The following CDH13 variants were observed in gnomAD, a reference collection of about 807,000 sequenced individuals.
The protein encoded by CDH13 is cadherin-13.
Under a neutral mutation model 63.8 loss-of-function variants are expected in CDH13, and 24 were observed. That is an observed-to-expected ratio of 0.38 (90% confidence interval 0.27 to 0.53). CDH13 has a LOEUF of 0.53. CDH13 is among the 20% of genes least tolerant of loss of function. CDH13 has a pLI of 0.85. For synonymous variants in CDH13, 503 were observed against 355.3 expected (o/e 1.42, Z -4.67); for missense variants, 1,049 against 903.1 (o/e 1.16, Z -2.07).
chr16:82,731,072 G>C (rs1333144425), intron 1 of CDH13, among the ~76,000 whole-genome samples: 1 of 152,204 alleles, frequency 6.6e-6, no homozygotes, highest in African/African-American at 2.4e-5. Context: ...TTCATTCAGT[G>C]AAGTCACATT....
rs557864259 is a variant in CDH13 at position 83,115,901 on chromosome 16, T to C, written c.367-9484T>C. 1.4e-4 allele frequency among the ~76,000 whole-genome samples: 21 copies of C among 152,358 alleles called. No individual in the cohort carries two copies. The South Asian group carries it at 4.1e-3, about 30-fold the overall frequency. ...AAAGAGGGAATGAGGACAAATTATC[T>C]GGACACTGTTTGTCTGTTTGAATGT... On this transcript the variant is annotated intron_variant, in intron 3 of 13. Transcript: ENST00000567109.
At position 83,462,964 on chromosome 16, in the gene CDH13, T is replaced by G. The variant is rs566128184; in HGVS notation, c.782-23513T>G. Among the ~76,000 whole-genome samples, 6 of 152,264 alleles carry G rather than the reference T, an allele frequency of 3.9e-5. No individual in the cohort carries two copies. The South Asian group carries it at 1.2e-3, about 32-fold the overall frequency. On this transcript the variant is annotated intron_variant, in intron 6 of 13. Coordinates refer to ENST00000567109, the MANE Select transcript of CDH13 (RefSeq NM_001257.5). Reference sequence around the variant, plus strand: ...CCTCCTCTCGAGGAAGCTATGGTCTTGTAGCTGAGACTGATCACCCAACAG... The same window carrying G: ...CCTCCTCTCGAGGAAGCTATGGTCTGGTAGCTGAGACTGATCACCCAACAG...
intron 2 of CDH13, among the ~76,000 whole-genome samples, chr16:82,974,011 C>G (rs567855614): frequency 6.6e-6 from 1 of 152,122 alleles, no homozygotes; most frequent in Non-Finnish European, 1.5e-5. Flanking sequence ...CCTCTGCCTC[C>G]CCGGTTCTAG....
intron 1 of CDH13, among the ~76,000 whole-genome samples, chr16:82,768,201 C>A (rs927564351): frequency 3.3e-5 from 5 of 152,178 alleles, no homozygotes. Flanking sequence ...AACTAAATTG[C>A]AAGCTGATGT....
intron 6 of CDH13, among the ~76,000 whole-genome samples, chr16:83,401,147 C>T (rs1464550318): frequency 6.6e-6 from 1 of 152,096 alleles, no homozygotes; most frequent in Non-Finnish European, 1.5e-5. Context: ...TCAAGACCAG[C>T]CTGGCCAATA....
chr16:83,433,554 G>C (rs971355425), intron 6 of CDH13, among the ~76,000 whole-genome samples: 5 of 152,184 alleles, frequency 3.3e-5, no homozygotes, highest in Admixed American at 2.6e-4. Context: ...CCCTGTGACT[G>C]CAAGAAGTTT....
chr16:83,543,238 A>G (rs970573991), intron 7 of CDH13, among the ~76,000 whole-genome samples: 1 of 152,242 alleles, frequency 6.6e-6, no homozygotes, highest in African/African-American at 2.4e-5. Flanking sequence ...GACATTTCGT[A>G]TAGCAAATGC....
chr16:83,549,824 G>T (rs1235453555), intron 7 of CDH13, among the ~76,000 whole-genome samples: 1 of 152,180 alleles, frequency 6.6e-6, no homozygotes, highest in Non-Finnish European at 1.5e-5. Context: ...TAATACAAAA[G>T]CTCATTACTG....
At chr16:83,456,553 T>C (rs1301928422) in intron 6 of CDH13, among the ~76,000 whole-genome samples, 1 of 152,096 alleles carries the variant, frequency 6.6e-6, no homozygotes, top group Admixed American at 6.5e-5. Flanking sequence ...AGCAGATACT[T>C]GAGCCATTTT....
intron 2 of CDH13, among the ~76,000 whole-genome samples, chr16:82,966,422 C>G (rs1345843272): frequency 3.3e-5 from 5 of 152,200 alleles, no homozygotes; most frequent in Admixed American, 2.6e-4. Flanking sequence ...GTTGGGATTA[C>G]AGGCGTGAGC....
At chr16:82,794,027 C>T (rs992128809) in intron 1 of CDH13, among the ~76,000 whole-genome samples, 1 of 151,974 alleles carries the variant, frequency 6.6e-6, no homozygotes, top group African/African-American at 2.4e-5. Flanking sequence ...TGGAGGAAAG[C>T]AGAAAGGGAA....
intron 2 of CDH13, among the ~76,000 whole-genome samples, chr16:83,007,569 C>T (rs1392981613): frequency 6.6e-6 from 1 of 152,114 alleles, no homozygotes; most frequent in Admixed American, 6.5e-5. Context: ...GTGGCTCATG[C>T]CTGTAACCCC....
chr16:83,610,861 C>T (rs746188231), intron 8 of CDH13, among the ~76,000 whole-genome samples: 1 of 152,160 alleles, frequency 6.6e-6, no homozygotes, highest in African/African-American at 2.4e-5. Context: ...GCTAATTCAA[C>T]TTCGGTTGAT....
rs144907398 is a variant in CDH13 at position 82,832,470 on chromosome 16, T to A, written c.46-25892T>A. On this transcript the variant is annotated intron_variant, in intron 1 of 13. Transcript: ENST00000567109. ...TCCTTCCTCCTTCTCATCCTCCTTA[T>A]TGTGTTGCTCTACCAACATGGTTGT... Among the ~76,000 whole-genome samples, 7 of 152,234 alleles carry A rather than the reference T, an allele frequency of 4.6e-5. No homozygotes were observed. In the East Asian group the frequency reaches 1.4e-3, roughly 29 times the overall value.
rs117413676 is a variant in CDH13, at chr16:82,644,638, G to T, written c.45+17501G>T. On this transcript the variant is annotated intron_variant, in intron 1 of 13. Transcript: ENST00000567109. The surrounding 1 kb of genome is among the most constrained non-coding windows in gnomAD (Gnocchi z 5.7). The stretch of plus-strand genomic sequence containing the variant: ...CTTCATAGGTCTCCAGTCTGTAAAA[G>T]CAACCACGCTTTGGGCTGGGGCAGA... Among the ~76,000 whole-genome samples the T allele has an allele frequency of 2.8e-4, 42 of 152,268 alleles. No homozygotes were observed. The East Asian group carries it at 8.1e-3, about 29-fold the overall frequency.
At chr16:83,526,471 G>T (rs1233562587) in intron 7 of CDH13, among the ~76,000 whole-genome samples, 1 of 152,162 alleles carries the variant, frequency 6.6e-6, no homozygotes, top group South Asian at 2.1e-4. Context: ...ATGCAAGCTA[G>T]ATCCCTTGCA....
At chr16:82,760,256 C>T (rs769279282) in intron 1 of CDH13, among the ~76,000 whole-genome samples, 5 of 152,206 alleles carry the variant, frequency 3.3e-5, no homozygotes, top group South Asian at 4.1e-4. Context: ...AACATAGTAC[C>T]GCCCCCGCAA....
intron 8 of CDH13, among the ~76,000 whole-genome samples, chr16:83,645,605 C>G (rs761356478): frequency 6.6e-6 from 1 of 152,060 alleles, no homozygotes. Flanking sequence ...CAACCTCCCG[C>G]ACCCTCAGGT....
At chr16:82,876,292 A>G (rs1326907676) in intron 2 of CDH13, among the ~76,000 whole-genome samples, 1 of 152,238 alleles carries the variant, frequency 6.6e-6, no homozygotes, top group Non-Finnish European at 1.5e-5. Context: ...TCTGTGAATT[A>G]ACATGTAATG....
Sources: allele counts gnomAD v4.1 joint callset (sites outside exome capture counted in the v4.1 genomes callset), GRCh38; gene constraint gnomAD v4.1.1; non-coding constraint Gnocchi (gnomAD v3.1); transcripts MANE v1.5; gene names NCBI Gene and HGNC (gene_info 2026-07-23, HGNC 2026-07-21).